COL8A2: variants seen among roughly 807,000 people sequenced by gnomAD.
The protein encoded by COL8A2 is collagen alpha-2(VIII) chain.
A neutral mutation model predicts 24.0 loss-of-function variants in COL8A2; 16 were observed. The observed-to-expected ratio is 0.67, with a 90% CI of 0.45 to 1.01. The LOEUF is 1.01. COL8A2 is among the 50% of genes least tolerant of loss of function. The pLI, the probability that COL8A2 is intolerant of heterozygous loss-of-function variation, is 0.00. For missense variants in COL8A2, 818 were observed against 942.4 expected, an observed-to-expected ratio of 0.87 and a Z score of 1.73; for synonymous variants, 466 against 424.5, an observed-to-expected ratio of 1.10 and a Z score of -1.20.
At chr1:36,117,667 C>T (rs75281741) in intron 1 of COL8A2, among the ~76,000 whole-genome samples, 8 of 152,216 alleles carry the variant, frequency 5.3e-5, no homozygotes, top group African/African-American at 1.9e-4. Context: ...TCCCTTTTTA[C>T]AGATGAGAAA....
Position 36,097,247 on chromosome 1 carries a change from G to A in COL8A2, c.*322C>T, listed in dbSNP as rs1169780326. On this transcript the variant is annotated 3_prime_UTR_variant, in exon 4 of 4. Coordinates refer to ENST00000397799, the MANE Select transcript of COL8A2 (RefSeq NM_005202.4). Reference sequence around the variant, plus strand: ...GAAGGGCTGTCTCCCCACGTGGCGGGGTGGGGAGTTGAGCTCCCTCTCAGC... The same window carrying A: ...GAAGGGCTGTCTCCCCACGTGGCGGAGTGGGGAGTTGAGCTCCCTCTCAGC... The A allele has an allele frequency of 3.8e-6, 1 of 266,634 alleles. No individual in the cohort carries two copies. Among genetic ancestry groups the A allele is most frequent in the Non-Finnish European group, 7.2e-6 (1 of 139,222 alleles). 16.5% of individuals were successfully genotyped at this position (266,634 alleles called of 1,614,324 possible). A position where few individuals can be genotyped will look rare whatever the true frequency, so the allele number is the denominator to read the frequency against.
chr1:36,114,077 G>A (rs1036729930), intron 2 of COL8A2, among the ~76,000 whole-genome samples: 13 of 152,204 alleles, frequency 8.5e-5, no homozygotes, highest in South Asian at 4.1e-4. Context: ...CCAGCACTTT[G>A]GGAGGCTGAG....
intron 2 of COL8A2, among the ~76,000 whole-genome samples, chr1:36,109,567 A>G (rs1223836847): frequency 6.9e-6 from 1 of 145,224 alleles, no homozygotes; most frequent in Non-Finnish European, 1.5e-5. Context: ...TGCTCTGCCT[A>G]TGGAGTAACC....
At chr1:36,108,134 C>A (rs899533698) in intron 2 of COL8A2, among the ~76,000 whole-genome samples, 2 of 152,238 alleles carry the variant, frequency 1.3e-5, no homozygotes, top group African/African-American at 4.8e-5. Flanking sequence ...GTCACATTCA[C>A]CCAGGGAGTC....
rs1557737083 is a variant in COL8A2 at position 36,097,854 on chromosome 1, A to C, written c.1827T>G (p.Thr609=). 2 of 1,612,778 alleles carry C rather than the reference A, an allele frequency of 1.2e-6. No individual in the cohort carries two copies. Among genetic ancestry groups the C allele is most frequent in the Non-Finnish European group, 1.7e-6 (2 of 1,179,992 alleles). ...CGCCCACAGGGCAGGTGAAGATGCC[A>C]GTGGCTGGGTTGTAGCCGCTGTGGC... ...YNGHSGYNPA[T]GIFTCPVGGV... is the part of the protein sequence containing the mutation. The change falls in exon 4 of 4, where the codon ACT becomes ACG. Residue 609 remains threonine (T), a synonymous_variant. Coordinates refer to ENST00000397799, the MANE Select transcript of COL8A2 (RefSeq NM_005202.4).
chr1:36,112,860 G>A (rs1302481903), intron 2 of COL8A2, among the ~76,000 whole-genome samples: 3 of 152,192 alleles, frequency 2.0e-5, no homozygotes, highest in East Asian at 1.9e-4. Flanking sequence ...CCTCTCTAGC[G>A]AGCTCCCAGA....
At chr1:36,108,037 A>G (rs1643786258) in intron 2 of COL8A2, among the ~76,000 whole-genome samples, 1 of 152,158 alleles carries the variant, frequency 6.6e-6, no homozygotes. Context: ...GTGATGCTCC[A>G]GTGTTTGATG....
chr1:36,101,477 T>C (rs949559209), intron 2 of COL8A2, among the ~76,000 whole-genome samples: 2 of 152,198 alleles, frequency 1.3e-5, no homozygotes, highest in Non-Finnish European at 2.9e-5. Context: ...GTCACAGCAT[T>C]TGGCTCAACT....
intron 2 of COL8A2, among the ~76,000 whole-genome samples, chr1:36,101,094 A>G (rs553673980): frequency 6.6e-6 from 1 of 152,032 alleles, no homozygotes; most frequent in South Asian, 2.1e-4. Flanking sequence ...GAGTTTCGCC[A>G]TGTTGGCCAG....
intron 2 of COL8A2, among the ~76,000 whole-genome samples, chr1:36,102,511 A>C (rs1643691650): frequency 6.6e-6 from 1 of 151,994 alleles, no homozygotes; most frequent in Non-Finnish European, 1.5e-5. Flanking sequence ...TGTGTTGCCT[A>C]GGCTGGTCTC....
At chr1:36,124,369 G>A (rs1643935768) in intron 1 of COL8A2, among the ~76,000 whole-genome samples, 1 of 152,110 alleles carries the variant, frequency 6.6e-6, no homozygotes, top group Non-Finnish European at 1.5e-5. Context: ...CCAGACCCAG[G>A]GCAGAGACAC....
intron 2 of COL8A2, among the ~76,000 whole-genome samples, chr1:36,105,142 A>G (rs1643740550): frequency 6.6e-6 from 1 of 152,142 alleles, no homozygotes; most frequent in Non-Finnish European, 1.5e-5. Context: ...CAAGCTTAGG[A>G]TCACATGGAG....
At chr1:36,108,165 C>T (rs183730340) in intron 2 of COL8A2, among the ~76,000 whole-genome samples, 62 of 152,358 alleles carry the variant, frequency 4.1e-4, no homozygotes, top group Non-Finnish European at 7.3e-4. Context: ...GTCCAAGGGG[C>T]TCATCTGGGC....
intron 1 of COL8A2, among the ~76,000 whole-genome samples, chr1:36,121,253 G>A (rs921131286): frequency 8.6e-5 from 13 of 151,230 alleles, no homozygotes; most frequent in Non-Finnish European, 1.6e-4. Context: ...GCTGGGCATG[G>A]TGGTGCTCAC....
intron 1 of COL8A2, among the ~76,000 whole-genome samples, chr1:36,118,328 G>A (rs1261772559): frequency 6.6e-6 from 1 of 152,162 alleles, no homozygotes; most frequent in Non-Finnish European, 1.5e-5. Context: ...CCTCAGCCAC[G>A]GGCCCTGCCC....
Position 36,098,861 on chromosome 1 carries a change from G to A in COL8A2, c.820C>T (p.Pro274Ser), listed in dbSNP as rs747711703. 8.1e-6 allele frequency: 13 copies of A among 1,612,466 alleles called. No individual in the cohort carries two copies. The East Asian group carries it at 2.5e-4, about 30-fold the overall frequency. The change falls in exon 4 of 4, where the codon CCT (proline) becomes TCT (serine). Residue 274 changes from proline to serine, a missense_variant. Physicochemically the swap from Pro to Ser is moderately conservative, Grantham distance 74. Coordinates refer to ENST00000397799, the MANE Select transcript of COL8A2 (RefSeq NM_005202.4). ...ACTCCCACACCGTCTACTCCAGGAG[G>A]TCCTTTTGGGCCCACAGCTCCTGGC... Reference protein sequence around the residue: ...GEPGAVGPKGPPGVDGVGVPG... With the variant: ...GEPGAVGPKGSPGVDGVGVPG...
intron 2 of COL8A2, among the ~76,000 whole-genome samples, chr1:36,106,637 G>C (rs558975632): frequency 6.6e-6 from 1 of 152,298 alleles, no homozygotes; most frequent in East Asian, 1.9e-4. Context: ...TGGCTTCTGG[G>C]GGTTGGGAGT....
chr1:36,116,384 G>A (rs1268779181), intron 1 of COL8A2, among the ~76,000 whole-genome samples: 1 of 152,230 alleles, frequency 6.6e-6, no homozygotes, highest in Non-Finnish European at 1.5e-5. Flanking sequence ...CCATGCTGGA[G>A]AAGTCCCTCC....
chr1:36,115,833 G>A lies in COL8A2; in HGVS notation c.-61-81C>T. 1 of 793,378 alleles carries A rather than the reference G, an allele frequency of 1.3e-6. No individual in the cohort carries two copies. The highest frequency in any genetic ancestry group is 1.9e-5 in the African/African-American group (1 of 53,488). The allele number at this position is 793,378 out of a possible 1,614,324, so 49.1% of individuals were successfully genotyped here. On this transcript the variant is annotated intron_variant, in intron 1 of 3. Transcript: ENST00000397799. This position sits in a 1 kb window ranked among gnomAD's most constrained non-coding sequence, Gnocchi z 5.7. ...TCCCAGCACTTTGGGAGGCTAAGGTGGGAAGACTGCTTGAGCCCAGGAGTT... is the reference window on the plus strand; with the variant it reads ...TCCCAGCACTTTGGGAGGCTAAGGTAGGAAGACTGCTTGAGCCCAGGAGTT...
Sources: gnomAD v4.1 joint callset for allele counts (sites outside exome capture counted in the v4.1 genomes callset) on GRCh38, gnomAD v4.1.1 for gene constraint, Gnocchi (gnomAD v3.1) non-coding constraint, MANE v1.5 for transcripts, NCBI Gene and HGNC (gene_info 2026-07-23, HGNC 2026-07-21) for gene names.